The following UBE2E2 variants were observed in gnomAD, a reference collection of about 807,000 sequenced individuals.
The protein encoded by UBE2E2 is ubiquitin-conjugating enzyme E2 E2.
In UBE2E2, 6 loss-of-function variants were observed where a neutral mutation model predicts 24.7. The observed-to-expected ratio is 0.24, with a 90% CI of 0.13 to 0.48. The LOEUF is 0.48. Among genes scored for constraint, UBE2E2 ranks in the 20% least tolerant of loss-of-function variants. The probability of loss-of-function intolerance (pLI) is 0.99; values close to 1 mark genes in which losing one functional copy is unlikely to be tolerated. For missense variants in UBE2E2, 169 were observed against 245.0 expected, an observed-to-expected ratio of 0.69 and a Z score of 2.07; for synonymous variants, 104 against 83.6, an observed-to-expected ratio of 1.24 and a Z score of -1.33.
At chr3:23,258,172 G>C (rs563818183) in intron 3 of UBE2E2, among the ~76,000 whole-genome samples, 5 of 152,180 alleles carry the variant, frequency 3.3e-5, no homozygotes, top group Non-Finnish European at 5.9e-5. Flanking sequence ...TGAGCACACC[G>C]AAGGTAAGAT....
chr3:23,326,995 A>G (rs1335107905), intron 3 of UBE2E2, among the ~76,000 whole-genome samples: 1 of 152,202 alleles, frequency 6.6e-6, no homozygotes, highest in Admixed American at 6.5e-5. Context: ...CCTGCAAAGG[A>G]CATGAACTCA....
intron 3 of UBE2E2, among the ~76,000 whole-genome samples, chr3:23,313,459 A>G (rs552465297): frequency 2.3e-5 from 3 of 130,864 alleles, no homozygotes; most frequent in African/African-American, 9.0e-5. Context: ...ATCTCAGCTT[A>G]CTGTAACCTC....
intron 3 of UBE2E2, among the ~76,000 whole-genome samples, chr3:23,276,633 A>T (rs1303088217): frequency 6.6e-6 from 1 of 152,170 alleles, no homozygotes; most frequent in African/African-American, 2.4e-5. Context: ...ACTTAGAATT[A>T]AGCTTGAGTG....
At chr3:23,439,688 T>A (rs1409253683) in intron 3 of UBE2E2, among the ~76,000 whole-genome samples, 1 of 152,164 alleles carries the variant, frequency 6.6e-6, no homozygotes, top group East Asian at 1.9e-4. Context: ...CTTATAACAA[T>A]GGAAAGATAG....
intron 3 of UBE2E2, among the ~76,000 whole-genome samples, chr3:23,398,599 GT>G (rs1487720596): frequency 1.3e-5 from 2 of 152,152 alleles, no homozygotes; most frequent in Admixed American, 1.3e-4. Context: ...AGGAATGTGT[GT>G]CTTAAGTGAA....
At chr3:23,333,068 A>G (rs952134) in intron 3 of UBE2E2, among the ~76,000 whole-genome samples, 84,471 of 151,874 alleles carry the variant, frequency 0.56, 23,723 homozygotes, top group Admixed American at 0.66. Flanking sequence ...GGTCCCACTG[A>G]TATCTCTATA....
chr3:23,318,707 G>C (rs1204032228), intron 3 of UBE2E2, among the ~76,000 whole-genome samples: 1 of 152,132 alleles, frequency 6.6e-6, no homozygotes, highest in Non-Finnish European at 1.5e-5. Flanking sequence ...CACGAGAACA[G>C]TATGGGGGAA....
In UBE2E2 at chr3:23,589,114, T is replaced by C. The variant is rs1461890690; in HGVS notation, c.509-620T>C. 6.6e-6 allele frequency among the ~76,000 whole-genome samples: 1 copy of C among 151,966 alleles called. No homozygotes were observed. The highest frequency in any genetic ancestry group is 1.5e-5 in the Non-Finnish European group (1 of 67,982). ...GTCCCCTGCCCACAGCCCACCTGCA[T>C]TTTCTCCGTGAAATATCTACTTGAA... is the stretch of plus-strand genomic sequence containing the variant. On this transcript the variant is annotated intron_variant, in intron 5 of 5. Coordinates refer to ENST00000396703, the MANE Select transcript of UBE2E2 (RefSeq NM_152653.4). This position sits in a 1 kb window ranked among gnomAD's most constrained non-coding sequence, Gnocchi z 4.1.
At chr3:23,507,334 G>A (rs781323480) in intron 4 of UBE2E2, among the ~76,000 whole-genome samples, 2 of 152,094 alleles carry the variant, frequency 1.3e-5, no homozygotes, top group Non-Finnish European at 2.9e-5. Flanking sequence ...CCCTCTTGGT[G>A]TTATATATTT....
intron 3 of UBE2E2, among the ~76,000 whole-genome samples, chr3:23,227,317 A>G (rs1048281296): frequency 1.3e-5 from 2 of 152,138 alleles, no homozygotes; most frequent in South Asian, 2.1e-4. Context: ...TTATATCCAT[A>G]TCTTCATTTG....
At chr3:23,422,760 A>T (rs563996145) in intron 3 of UBE2E2, among the ~76,000 whole-genome samples, 1 of 152,200 alleles carries the variant, frequency 6.6e-6, no homozygotes, top group Non-Finnish European at 1.5e-5. Flanking sequence ...ATAGAATAGG[A>T]TGTTTGCTTG....
chr3:23,569,122 T>G (rs1474894951), intron 5 of UBE2E2, among the ~76,000 whole-genome samples: 1 of 152,206 alleles, frequency 6.6e-6, no homozygotes, highest in Non-Finnish European at 1.5e-5. Context: ...AACTGATATA[T>G]TCATACAATG....
At chr3:23,290,391 G>T (rs551074044) in intron 3 of UBE2E2, among the ~76,000 whole-genome samples, 3 of 152,216 alleles carry the variant, frequency 2.0e-5, no homozygotes, top group Non-Finnish European at 4.4e-5. Flanking sequence ...CTTGTTAAAA[G>T]TGTAGACCTT....
At chr3:23,564,740 C>T (rs980032956) in intron 5 of UBE2E2, among the ~76,000 whole-genome samples, 12 of 152,116 alleles carry the variant, frequency 7.9e-5, no homozygotes, top group Admixed American at 3.9e-4. Context: ...CTGGTCTGCG[C>T]GGTCACAACC....
At chr3:23,572,145 C>T (rs1696244806) in intron 5 of UBE2E2, among the ~76,000 whole-genome samples, 1 of 152,028 alleles carries the variant, frequency 6.6e-6, no homozygotes, top group African/African-American at 2.4e-5. Context: ...TGATAATGTC[C>T]ATTATTTGAT....
chr3:23,244,085 CAAT>C (rs1437092981), intron 3 of UBE2E2, among the ~76,000 whole-genome samples: 1 of 146,062 alleles, frequency 6.8e-6, no homozygotes, highest in Non-Finnish European at 1.5e-5. Context: ...GGAAGAATAT[CAAT>C]TAAGGGTGAT....
chr3:23,460,005 G>A (rs1182722460), intron 3 of UBE2E2, among the ~76,000 whole-genome samples: 1 of 152,186 alleles, frequency 6.6e-6, no homozygotes, highest in Non-Finnish European at 1.5e-5. Context: ...GGGGTCGAGT[G>A]CTTGTCTCTG....
chr3:23,550,268 G>T (rs929322874), intron 5 of UBE2E2, among the ~76,000 whole-genome samples: 2 of 152,032 alleles, frequency 1.3e-5, no homozygotes, highest in African/African-American at 4.8e-5. Flanking sequence ...AATGAATTAT[G>T]AGTCTGCCTC....
chr3:23,459,205 T>C (rs1410137359), intron 3 of UBE2E2, among the ~76,000 whole-genome samples: 1 of 152,254 alleles, frequency 6.6e-6, no homozygotes, highest in Admixed American at 6.5e-5. Flanking sequence ...TGGAAAATTC[T>C]ATAAGGGCTA....
Sources: gnomAD v4.1 joint callset for allele counts (sites outside exome capture counted in the v4.1 genomes callset) on GRCh38, gnomAD v4.1.1 for gene constraint, Gnocchi (gnomAD v3.1) non-coding constraint, MANE v1.5 for transcripts, NCBI Gene and HGNC (gene_info 2026-07-23, HGNC 2026-07-21) for gene names.